The following CHST9 variants were observed in gnomAD, a reference collection of about 807,000 sequenced individuals.
CHST9 encodes the protein carbohydrate sulfotransferase 9.
A neutral mutation model predicts 44.4 loss-of-function variants in CHST9; 41 were observed. The ratio of observed to expected loss-of-function variants is 0.92; its 90% CI spans 0.72 to 1.20. CHST9 has a LOEUF of 1.20. Among genes scored for constraint, CHST9 ranks in the 50% most tolerant of loss-of-function variants. CHST9 has a pLI of 0.00. For missense variants in CHST9, 504 were observed against 516.5 expected, an observed-to-expected ratio of 0.98 and a Z score of 0.23; for synonymous variants, 171 against 178.4, an observed-to-expected ratio of 0.96 and a Z score of 0.33.
intron 1 of CHST9, among the ~76,000 whole-genome samples, chr18:27,166,037 A>G (rs1271733909): frequency 1.3e-5 from 2 of 152,138 alleles, no homozygotes; most frequent in Non-Finnish European, 1.5e-5. Flanking sequence ...CCACAGTGGT[A>G]ATCATTGCTT....
intron 1 of CHST9, among the ~76,000 whole-genome samples, chr18:27,148,045 C>G (rs1354010818): frequency 1.3e-5 from 2 of 152,020 alleles, no homozygotes; most frequent in African/African-American, 4.8e-5. Flanking sequence ...GCTCCAGTGT[C>G]TGCTGTTCTC....
intron 2 of CHST9, among the ~76,000 whole-genome samples, chr18:27,052,290 G>A (rs12959974): frequency 7.4e-6 from 1 of 135,002 alleles, no homozygotes; most frequent in Non-Finnish European, 1.7e-5. Flanking sequence ...ATATATATGT[G>A]TGTATATATG....
At chr18:27,009,609 G>A (rs1276497204) in intron 4 of CHST9, among the ~76,000 whole-genome samples, 3 of 152,170 alleles carry the variant, frequency 2.0e-5, no homozygotes, top group African/African-American at 7.2e-5. Context: ...ATACATTTCT[G>A]ACACATGGCA....
chr18:27,165,351 A>C (rs917679858), intron 1 of CHST9, among the ~76,000 whole-genome samples: 1 of 152,196 alleles, frequency 6.6e-6, no homozygotes, highest in Non-Finnish European at 1.5e-5. Context: ...CGTGGATAAC[A>C]TTTACATTGT....
intron 4 of CHST9, among the ~76,000 whole-genome samples, chr18:26,979,708 A>G (rs2056668646): frequency 6.6e-6 from 1 of 152,206 alleles, no homozygotes; most frequent in African/African-American, 2.4e-5. Flanking sequence ...TTTTGTACAC[A>G]GAGATCAGAT....
chr18:27,091,459 C>G (rs138410508), intron 2 of CHST9, among the ~76,000 whole-genome samples: 49,078 of 152,038 alleles, frequency 0.32, 8,634 homozygotes, highest in Non-Finnish European at 0.4. Flanking sequence ...CCTGATTGCC[C>G]TGGCCAGAAT....
chr18:27,169,598 CTTTTTTTTTTT>C (rs1156859087), intron 1 of CHST9, among the ~76,000 whole-genome samples: 1 of 82,160 alleles, frequency 1.2e-5, no homozygotes, highest in Non-Finnish European at 2.2e-5. Context: ...ATATATTCTT[CTTTTTTTTTTT>C]TTTTTTTTTT....
intron 2 of CHST9, among the ~76,000 whole-genome samples, chr18:27,088,893 T>G (rs562583121): frequency 2.3e-4 from 35 of 152,244 alleles, no homozygotes; most frequent in African/African-American, 8.4e-4. Flanking sequence ...AATGCCCAGG[T>G]CAATGAACTG....
At chr18:27,095,597 T>C (rs2058109028) in intron 2 of CHST9, among the ~76,000 whole-genome samples, 1 of 152,060 alleles carries the variant, frequency 6.6e-6, no homozygotes, top group African/African-American at 2.4e-5. Flanking sequence ...TGTAGAAAGA[T>C]CTACCATGGA....
chr18:26,946,327 C>G (rs909912367), intron 4 of CHST9, among the ~76,000 whole-genome samples: 1 of 152,034 alleles, frequency 6.6e-6, no homozygotes, highest in Non-Finnish European at 1.5e-5. Flanking sequence ...GGGGGGAGAA[C>G]TTTCAGGCAG....
intron 2 of CHST9, among the ~76,000 whole-genome samples, chr18:27,074,236 A>AT (rs1352752113): frequency 1.3e-5 from 2 of 152,158 alleles, no homozygotes; most frequent in Non-Finnish European, 2.9e-5. Context: ...ACTGTGATTT[A>AT]TTTTGGCCAG....
At chr18:27,048,754 G>A (rs140832561) in intron 2 of CHST9, among the ~76,000 whole-genome samples, 24 of 152,154 alleles carry the variant, frequency 1.6e-4, no homozygotes, top group Non-Finnish European at 3.2e-4. Flanking sequence ...AGCCAGAGTC[G>A]TTTACTCAAC....
At chr18:27,124,370 A>G (rs899610263) in intron 2 of CHST9, among the ~76,000 whole-genome samples, 3 of 152,230 alleles carry the variant, frequency 2.0e-5, no homozygotes, top group African/African-American at 7.2e-5. Context: ...GTTGCTGTGA[A>G]TGAACAAAGA....
chr18:27,153,568 ATGTGTG>A (rs35308421), intron 1 of CHST9, among the ~76,000 whole-genome samples: 1 of 120,818 alleles, frequency 8.3e-6, no homozygotes, highest in Non-Finnish European at 1.8e-5. Flanking sequence ...GTGTGTGTGT[ATGTGTG>A]TGTGTGTGTG....
chr18:27,161,496 T>C (rs1362695326), intron 1 of CHST9, among the ~76,000 whole-genome samples: 2 of 152,220 alleles, frequency 1.3e-5, no homozygotes, highest in Non-Finnish European at 2.9e-5. Flanking sequence ...TAATTTCTAT[T>C]CTTTTACATT....
At chr18:26,934,564 C>A (rs2055951483) in intron 5 of CHST9, 2 of 152,232 alleles carry the variant, frequency 1.3e-5, no homozygotes, top group Non-Finnish European at 2.9e-5. Flanking sequence ...CGTACTCTGC[C>A]AGCCAAGTGG....
intron 5 of CHST9, among the ~76,000 whole-genome samples, chr18:26,929,353 A>G (rs1428538685): frequency 6.6e-6 from 1 of 152,236 alleles, no homozygotes; most frequent in Admixed American, 6.5e-5. Context: ...TAAGTCTTTT[A>G]GAGAATTAAC....
chr18:27,113,647 C>A (rs1426370921), intron 2 of CHST9, among the ~76,000 whole-genome samples: 1 of 152,106 alleles, frequency 6.6e-6, no homozygotes, highest in Non-Finnish European at 1.5e-5. Flanking sequence ...CAAGAAGGTG[C>A]CATCTCTGAG....
intron 2 of CHST9, among the ~76,000 whole-genome samples, chr18:27,071,593 T>C (rs1215943477): frequency 6.6e-6 from 1 of 152,246 alleles, no homozygotes; most frequent in Non-Finnish European, 1.5e-5. Flanking sequence ...TATTGTTGCA[T>C]TCCTCTAAGT....
Sources: allele counts gnomAD v4.1 joint callset (sites outside exome capture counted in the v4.1 genomes callset), GRCh38; gene constraint gnomAD v4.1.1; transcripts MANE v1.5; gene names NCBI Gene and HGNC (gene_info 2026-07-23, HGNC 2026-07-21).